The following PRPF39 variants were observed in gnomAD, a reference collection of about 807,000 sequenced individuals.
PRPF39 encodes the protein pre-mRNA-processing factor 39.
A neutral mutation model predicts 82.1 loss-of-function variants in PRPF39; 27 were observed. That is an observed-to-expected ratio of 0.33 (90% confidence interval 0.24 to 0.45). The LOEUF (loss-of-function observed/expected upper bound fraction) is 0.45, where lower values mean the gene tolerates loss of function less well. PRPF39 is among the 20% of genes least tolerant of loss of function. The probability of loss-of-function intolerance (pLI) is 1.00; values close to 1 mark genes in which losing one functional copy is unlikely to be tolerated. For synonymous variants in PRPF39, 261 were observed against 256.4 expected (o/e 1.02, Z -0.17); for missense variants, 581 against 796.9 (o/e 0.73, Z 3.26).
chr14:45,110,887 A>C lies in PRPF39; in HGVS notation c.1572+70A>C. 7.4e-7 allele frequency: 1 copy of C among 1,342,770 alleles called. No homozygotes were observed. Among genetic ancestry groups the C allele is most frequent in the Non-Finnish European group, 1.0e-6 (1 of 988,930 alleles). The allele number at this position is 1,342,770 out of a possible 1,614,324, so 83.2% of individuals were successfully genotyped here. A position where few individuals can be genotyped will look rare whatever the true frequency, so the allele number is the denominator to read the frequency against. Reference sequence around the variant, plus strand: ...GTGGTCAGTGTATTTTCACTGTGGCAACTGTGATGAAAGATTTGGTCTGTA... The same window carrying C: ...GTGGTCAGTGTATTTTCACTGTGGCCACTGTGATGAAAGATTTGGTCTGTA... On this transcript the variant is annotated intron_variant, in intron 10 of 13. Transcript: ENST00000355765. The surrounding 1 kb of genome is among the most constrained non-coding windows in gnomAD (Gnocchi z 4.0).
chr14:45,110,538 A>T lies in PRPF39; in HGVS notation c.1304-11A>T. On this transcript the variant is annotated splice_polypyrimidine_tract_variant and intron_variant, in intron 9 of 13. Transcript: ENST00000355765. This position sits in a 1 kb window ranked among gnomAD's most constrained non-coding sequence, Gnocchi z 4.0. ...TAAACCAAAGCATAAACATTTAATT[A>T]CTGTTTCTAGGTAATATTAATGAAG... The T allele has an allele frequency of 6.5e-7, 1 of 1,548,016 alleles. No individual in the cohort carries two copies. The highest frequency in any genetic ancestry group is 1.2e-5 in the South Asian group (1 of 83,898).
At chr14:45,098,557 A>G (rs1340718572) in intron 4 of PRPF39, among the ~76,000 whole-genome samples, 1 of 151,174 alleles carries the variant, frequency 6.6e-6, no homozygotes, top group Non-Finnish European at 1.5e-5. Context: ...CCTGCCCCTC[A>G]TTTTTCCCGT....
At chr14:45,092,288 G>T (rs187474232) in intron 1 of PRPF39, among the ~76,000 whole-genome samples, 5 of 152,148 alleles carry the variant, frequency 3.3e-5, no homozygotes, top group Non-Finnish European at 7.4e-5. Flanking sequence ...CAGATGACTA[G>T]TGCAACTTTT....
At chr14:45,112,623 C>G (rs1884728856) in intron 11 of PRPF39, 121 bp downstream of exon 11, 1 of 1,033,170 alleles carries the variant, frequency 9.7e-7, no homozygotes, top group Non-Finnish European at 1.3e-6. Context: ...GCTTAGTTTA[C>G]TTTTTCCTCA....
chr14:45,106,449 T>C (rs1884535231), intron 5 of PRPF39, among the ~76,000 whole-genome samples: 1 of 152,198 alleles, frequency 6.6e-6, no homozygotes, highest in Admixed American at 6.5e-5. Flanking sequence ...CAAAGGTATA[T>C]TCAAATTGTG....
intron 1 of PRPF39, among the ~76,000 whole-genome samples, chr14:45,087,010 T>A (rs1395451073): frequency 6.6e-6 from 1 of 152,172 alleles, no homozygotes; most frequent in African/African-American, 2.4e-5. Flanking sequence ...GAGAAACTGG[T>A]TTGAAGCAAT....
At chr14:45,114,472 T>A in intron 12 of PRPF39, 22 bp from the exon 13 acceptor site, 1 of 1,543,712 alleles carries the variant, frequency 6.5e-7, no homozygotes, top group Non-Finnish European at 8.7e-7. Context: ...TTTGAAAGTT[T>A]CCATTCTGAC....
chr14:45,111,484 A>T (rs947925382), intron 10 of PRPF39, among the ~76,000 whole-genome samples: 1 of 151,840 alleles, frequency 6.6e-6, no homozygotes, highest in Non-Finnish European at 1.5e-5. Flanking sequence ...ACAGGCATGC[A>T]TCACCGCGTC....
rs1409387189 is a variant in PRPF39 at position 45,114,905 on chromosome 14, C to T, written c.2002C>T (p.Pro668Ser). ...TTATGGACAATATTATCCTCCCCCT[C>T]CAACCTGATGGGAAAAATGTAAATT... is the stretch of plus-strand genomic sequence containing the variant. ...WNYGQYYPPP[P>S]T Residue 668 changes from proline to serine, a missense_variant, in exon 14 of 14, where the codon CCA becomes TCA. Pro to Ser is a moderately conservative substitution (Grantham distance 74). Coordinates refer to ENST00000355765, the MANE Select transcript of PRPF39 (RefSeq NM_017922.4). 3.1e-6 allele frequency: 5 copies of T among 1,595,732 alleles called. No homozygotes were observed. Among genetic ancestry groups the T allele is most frequent in the Non-Finnish European group, 4.3e-6 (5 of 1,164,002 alleles).
chr14:45,097,261 A>G (rs1884229510), intron 4 of PRPF39, among the ~76,000 whole-genome samples: 1 of 152,100 alleles, frequency 6.6e-6, no homozygotes, highest in African/African-American at 2.4e-5. Flanking sequence ...ATATATGTAT[A>G]AGTACATGTT....
chr14:45,112,710 A>C (rs1436703775), intron 11 of PRPF39, among the ~76,000 whole-genome samples: 2 of 152,216 alleles, frequency 1.3e-5, no homozygotes, highest in African/African-American at 4.8e-5. Context: ...TCTTTCCTTC[A>C]AAACTGTTTT....
intron 3 of PRPF39, 199 bp downstream of exon 3, chr14:45,096,427 C>T (rs1191718674): frequency 2.7e-6 from 4 of 1,488,034 alleles, no homozygotes; most frequent in Admixed American, 2.0e-5. Context: ...TTGGCAGGTG[C>T]GTTAAACCTC....
intron 1 of PRPF39, among the ~76,000 whole-genome samples, chr14:45,090,647 T>A (rs1242669921): frequency 6.6e-6 from 1 of 151,664 alleles, no homozygotes; most frequent in Non-Finnish European, 1.5e-5. Flanking sequence ...ATCTATAGAT[T>A]GCTATTGTTT....
intron 1 of PRPF39, among the ~76,000 whole-genome samples, chr14:45,086,857 T>G (rs1389539867): frequency 2.7e-5 from 4 of 150,660 alleles, no homozygotes; most frequent in Non-Finnish European, 4.4e-5. Context: ...TTTTTTTTTT[T>G]TTTTTTTTTT....
In PRPF39 at chr14:45,115,318, A is replaced by T. The variant is rs1884806139; in HGVS notation, c.*405A>T. On this transcript the variant is annotated 3_prime_UTR_variant, in exon 14 of 14. Transcript: ENST00000355765. ...TTTTTTTTTTTTTTTTTAAAGAAAAAAGGACTTTTAACCTTTGCTGACAAG... is the reference window on the plus strand; with the variant it reads ...TTTTTTTTTTTTTTTTTAAAGAAAATAGGACTTTTAACCTTTGCTGACAAG... 6.6e-6 allele frequency: 1 copy of T among 152,384 alleles called. No individual in the cohort carries two copies. Among genetic ancestry groups the T allele is most frequent in the African/African-American group, 2.4e-5 (1 of 41,210 alleles). The allele number at this position is 152,384 out of a possible 1,614,324, so 9.4% of individuals were successfully genotyped here.
intron 1 of PRPF39, among the ~76,000 whole-genome samples, chr14:45,091,203 A>G (rs1481019079): frequency 6.6e-6 from 1 of 152,150 alleles, no homozygotes; most frequent in East Asian, 1.9e-4. Context: ...CAGTAGTGTG[A>G]TCGTAGTTCA....
chr14:45,098,647 A>T (rs1011561997), intron 4 of PRPF39, among the ~76,000 whole-genome samples: 1 of 152,134 alleles, frequency 6.6e-6, no homozygotes, highest in Non-Finnish European at 1.5e-5. Context: ...ATAGCTTTCT[A>T]TACAATCAGA....
At chr14:45,111,251 T>C (rs1337909010) in intron 10 of PRPF39, among the ~76,000 whole-genome samples, 1 of 152,206 alleles carries the variant, frequency 6.6e-6, no homozygotes, top group Non-Finnish European at 1.5e-5. Flanking sequence ...AGTGTATAGG[T>C]AATAGGTAAT....
rs1489124396 is a variant in PRPF39 at position 45,107,536 on chromosome 14, G to A, written c.823G>A (p.Val275Ile). 1.3e-6 allele frequency: 2 copies of A among 1,557,566 alleles called. No individual in the cohort carries two copies. The highest frequency in any genetic ancestry group is 2.7e-5 in the African/African-American group (2 of 73,458). The part of the protein sequence containing the change: ...FIQLRRELAS[V>I]NGHSGDDGPP... ...TCAGTTGCGAAGGGAATTAGCTTCT[G>A]TAAATGGTCATAGTGGTGATGATGG... Residue 275 changes from valine (V) to isoleucine (I), a missense_variant, in exon 6 of 14, where the codon GTA (valine) becomes ATA (isoleucine). Val to Ile is a conservative substitution (Grantham distance 29, BLOSUM62 3). Coordinates refer to ENST00000355765, the MANE Select transcript of PRPF39 (RefSeq NM_017922.4).
Sources: allele counts gnomAD v4.1 joint callset (sites outside exome capture counted in the v4.1 genomes callset), GRCh38; gene constraint gnomAD v4.1.1; non-coding constraint Gnocchi (gnomAD v3.1); transcripts MANE v1.5; gene names NCBI Gene and HGNC (gene_info 2026-07-23, HGNC 2026-07-21).